The following GRIA3 variants were observed in gnomAD, a reference collection of about 807,000 sequenced individuals.
The protein encoded by GRIA3 is glutamate ionotropic receptor AMPA type subunit 3, also known as glutamate receptor 3.
GRIA3 carries 3 observed loss-of-function variants against 63.0 expected under a neutral mutation model. The ratio of observed to expected loss-of-function variants is 0.05; its 90% confidence interval spans 0.02 to 0.12. The LOEUF is 0.12. Ranked by LOEUF, GRIA3 falls within the 10% of genes least tolerant of loss-of-function variation. The pLI, the probability that GRIA3 is intolerant of heterozygous loss-of-function variation, is 1.00. For missense variants in GRIA3, 347 were observed against 700.9 expected (o/e 0.50, Z 5.70); for synonymous variants, 274 against 257.9 (o/e 1.06, Z -0.60).
Position 123,184,535 on chromosome X carries a change from C to T in GRIA3, c.-1C>T, listed in dbSNP as rs755181209. The T allele has an allele frequency of 5.0e-6, 6 of 1,197,202 alleles. No individual in the cohort carries two copies. Among genetic ancestry groups the T allele is most frequent in the Non-Finnish European group, 6.8e-6 (6 of 884,503 alleles). ...CTTGTCAGCTTCGTTTTAGGCGTAGCATGGCCAGGCAGAAGAAAATGGGGC... is the reference window on the plus strand; with the variant it reads ...CTTGTCAGCTTCGTTTTAGGCGTAGTATGGCCAGGCAGAAGAAAATGGGGC... On this transcript the variant is annotated 5_prime_UTR_variant, in exon 1 of 16. Coordinates refer to ENST00000620443, the MANE Select transcript of GRIA3 (RefSeq NM_007325.5).
rs186652653 is a variant in GRIA3, at chrX:123,262,743, T to C, written c.508+9201T>C. Among the ~76,000 whole-genome samples, 494 of 110,135 alleles carry C rather than the reference T, an allele frequency of 4.5e-3. 3 individuals are homozygous for C. The highest frequency in any genetic ancestry group is 0.015 in the African/African-American group (467 of 30,214). ...GTATGGATGTGAAGTACCGTGGGAG[T>C]CCAAAGAAGAGAAATTTCATGATAG... is the stretch of plus-strand genomic sequence containing the variant. On this transcript the variant is annotated intron_variant, in intron 3 of 15. Coordinates refer to ENST00000620443, the MANE Select transcript of GRIA3 (RefSeq NM_007325.5).
At chrX:123,305,759 T>C (rs1324030308) in intron 3 of GRIA3, among the ~76,000 whole-genome samples, 1 of 112,324 alleles carries the variant, frequency 8.9e-6, no homozygotes. Context: ...GCAGACACAT[T>C]CAAACAAAGT....
chrX:123,374,375 T>A (rs748156333), intron 5 of GRIA3, among the ~76,000 whole-genome samples: 2 of 112,102 alleles, frequency 1.8e-5, no homozygotes, highest in African/African-American at 6.5e-5. Flanking sequence ...TAAAGTAGTT[T>A]TATCCAATTC....
intron 7 of GRIA3, among the ~76,000 whole-genome samples, chrX:123,402,247 GT>G (rs2045447119): frequency 9.0e-6 from 1 of 111,048 alleles, no homozygotes; most frequent in East Asian, 2.8e-4. Flanking sequence ...GCTCATCCCT[GT>G]CACTGTAGTA....
At chrX:123,403,778 C>T (rs966222867) in intron 9 of GRIA3, among the ~76,000 whole-genome samples, 2 of 111,287 alleles carry the variant, frequency 1.8e-5, no homozygotes, top group African/African-American at 6.5e-5. Context: ...CATGCCCGCC[C>T]GCATAGGACT....
At chrX:123,470,791 A>G (rs2045858045) in intron 13 of GRIA3, among the ~76,000 whole-genome samples, 1 of 111,714 alleles carries the variant, frequency 9.0e-6, no homozygotes, top group African/African-American at 3.3e-5. Flanking sequence ...GAATTCTTTG[A>G]CTTTCTTGGG....
intron 10 of GRIA3, among the ~76,000 whole-genome samples, chrX:123,409,274 G>A (rs776904435): frequency 2.6e-4 from 29 of 112,098 alleles, no homozygotes; most frequent in Non-Finnish European, 5.3e-4. Flanking sequence ...AAAAATCAGA[G>A]ATGAAGAAAG....
intron 2 of GRIA3, among the ~76,000 whole-genome samples, chrX:123,193,313 A>G (rs1460017809): frequency 6.3e-5 from 7 of 111,388 alleles, no homozygotes; most frequent in Non-Finnish European, 1.1e-4. Flanking sequence ...AACCTGCCCA[A>G]GAGAGCGAAG....
intron 3 of GRIA3, among the ~76,000 whole-genome samples, chrX:123,267,660 G>A (rs1265003271): frequency 8.9e-6 from 1 of 112,080 alleles, no homozygotes; most frequent in African/African-American, 3.2e-5. Context: ...AATGATGTGA[G>A]AACTGTTATA....
chrX:123,403,287 G>A (rs1276758466), intron 8 of GRIA3, 125 bp from the exon 9 acceptor site: 14 of 620,970 alleles, frequency 2.3e-5, no homozygotes, highest in East Asian at 1.3e-4. Flanking sequence ...TACAAGACCC[G>A]GGGAGACAGG....
chrX:123,407,481 G>A (rs1366020392), intron 10 of GRIA3, among the ~76,000 whole-genome samples: 3 of 110,708 alleles, frequency 2.7e-5, no homozygotes, highest in African/African-American at 9.9e-5. Flanking sequence ...TCATTGTCTC[G>A]TGAGGGCCAC....
intron 12 of GRIA3, among the ~76,000 whole-genome samples, chrX:123,430,571 A>C (rs2045612220): frequency 9.0e-6 from 1 of 111,492 alleles, no homozygotes; most frequent in African/African-American, 3.3e-5. Flanking sequence ...ATTTAAATCC[A>C]ATGGGGCAAA....
chrX:123,185,159 C>G (rs1927226013), intron 1 of GRIA3, among the ~76,000 whole-genome samples: 1 of 111,021 alleles, frequency 9.0e-6, no homozygotes, highest in Non-Finnish European at 1.9e-5. Context: ...CTCCCAGACC[C>G]GGGCAGCAGC....
At chrX:123,453,618 AACACACAC>A (rs780732296) in intron 12 of GRIA3, among the ~76,000 whole-genome samples, 37 of 103,389 alleles carry the variant, frequency 3.6e-4, no homozygotes, top group Non-Finnish European at 6.4e-4. Context: ...TCAGGTTTTC[AACACACAC>A]ACACACACAC....
chrX:123,246,403 T>C (rs1468977180), intron 2 of GRIA3, among the ~76,000 whole-genome samples: 1 of 111,516 alleles, frequency 9.0e-6, no homozygotes, highest in African/African-American at 3.3e-5. Context: ...AGGGAGACCC[T>C]GTTTTCTTGT....
At chrX:123,224,469 C>T (rs1451186292) in intron 2 of GRIA3, among the ~76,000 whole-genome samples, 1 of 112,026 alleles carries the variant, frequency 8.9e-6, no homozygotes, top group East Asian at 2.8e-4. Flanking sequence ...GGTCTCCCAA[C>T]TGGCATTCTT....
chrX:123,386,158 T>C (rs886170640), intron 5 of GRIA3, among the ~76,000 whole-genome samples: 1 of 111,437 alleles, frequency 9.0e-6, no homozygotes, highest in African/African-American at 3.3e-5. Context: ...GTAAGATTTT[T>C]TGTGTGGTTT....
At chrX:123,379,978 C>A (rs1190633503) in intron 5 of GRIA3, among the ~76,000 whole-genome samples, 9 of 109,854 alleles carry the variant, frequency 8.2e-5, no homozygotes, top group Non-Finnish European at 1.5e-4. Context: ...TGAACTCATC[C>A]TTTTTTATGG....
chrX:123,196,221 G>A (rs1927572659), intron 2 of GRIA3, among the ~76,000 whole-genome samples: 1 of 111,483 alleles, frequency 9.0e-6, no homozygotes, highest in African/African-American at 3.3e-5. Context: ...ACCAACTTTA[G>A]ACCAGGGTCT....
Sources: gnomAD v4.1 joint callset for allele counts (sites outside exome capture counted in the v4.1 genomes callset) on GRCh38, gnomAD v4.1.1 for gene constraint, MANE v1.5 for transcripts, NCBI Gene and HGNC (gene_info 2026-07-23, HGNC 2026-07-21) for gene names.